Variants in NFIA observed in about 807,000 individuals in gnomAD.
The protein encoded by NFIA is nuclear factor I A, also known as nuclear factor 1 A-type.
In NFIA, 8 loss-of-function variants were observed where a neutral mutation model predicts 62.8. The ratio of observed to expected loss-of-function variants is 0.13; its 90% confidence interval spans 0.07 to 0.23. The LOEUF (loss-of-function observed/expected upper bound fraction) is 0.23, where lower values mean the gene tolerates loss of function less well. Among genes scored for constraint, NFIA ranks in the 10% least tolerant of loss-of-function variants. NFIA has a pLI of 1.00. For missense variants in NFIA, 410 were observed against 642.1 expected (o/e 0.64, Z 3.91); for synonymous variants, 235 against 238.1 (o/e 0.99, Z 0.12).
intron 2 of NFIA, among the ~76,000 whole-genome samples, chr1:61,208,990 G>A (rs1305532760): frequency 3.2e-4 from 49 of 152,250 alleles, no homozygotes; most frequent in Admixed American, 3.2e-3. Flanking sequence ...GGGGACCAGA[G>A]TAGAGGAGTC....
At chr1:61,347,165 C>CTTTTTTTTTTT (rs869046737) in intron 4 of NFIA, among the ~76,000 whole-genome samples, 1 of 70,110 alleles carries the variant, frequency 1.4e-5, no homozygotes, top group African/African-American at 6.6e-5. Context: ...CTGGATCCCA[C>CTTTTTTTTTTT]TTTTTTTTTT....
rs146465184 is a variant in NFIA, at chr1:61,191,418, G to GTGC, written c.560-86101_560-86099dup. Among the ~76,000 whole-genome samples the GTGC allele has an allele frequency of 5.1e-3, 779 of 152,048 alleles. 14 individuals are homozygous for GTGC. The highest frequency in any genetic ancestry group is 0.017 in the African/African-American group (714 of 41,462). On this transcript the variant is annotated intron_variant, in intron 2 of 10. Transcript: ENST00000403491. ...GGGATTTGCTTTCCGGAGAATCTGGGTGCCTGTTCCACCAATTCTGTTTGT... is the reference window on the plus strand; with the variant it reads ...GGGATTTGCTTTCCGGAGAATCTGGGTGCTGCCTGTTCCACCAATTCTGTTTGT...
chr1:61,313,834 G>A lies in NFIA; in HGVS notation c.626-18678G>A, dbSNP rs891488495. Among the ~76,000 whole-genome samples the A allele has an allele frequency of 3.9e-5, 6 of 152,096 alleles. 1 individual carries two copies. The highest frequency in any genetic ancestry group is 9.7e-5 in the African/African-American group (4 of 41,398). ...GCCTCTGGAGTAGGTGTTCTTACTC[G>A]TGCAATTAGGGAACAGTGCCTTAGT... is the stretch of plus-strand genomic sequence containing the variant. On this transcript the variant is annotated intron_variant, in intron 3 of 10. Coordinates refer to ENST00000403491, the MANE Select transcript of NFIA (RefSeq NM_001134673.4).
At chr1:61,241,426 T>C (rs2100645638) in intron 2 of NFIA, among the ~76,000 whole-genome samples, 1 of 152,274 alleles carries the variant, frequency 6.6e-6, no homozygotes, top group Admixed American at 6.5e-5. Flanking sequence ...GTTGGCAAGA[T>C]TTATTGGGGG....
chr1:61,251,090 C>G (rs1656003519), intron 2 of NFIA: 1 of 152,308 alleles, frequency 6.6e-6, no homozygotes, highest in Non-Finnish European at 1.5e-5. Context: ...TTTCACACAT[C>G]ATCACTCTCT....
intron 3 of NFIA, among the ~76,000 whole-genome samples, chr1:61,314,638 A>G (rs76353191): frequency 0.041 from 6,218 of 152,190 alleles, 416 homozygotes; most frequent in African/African-American, 0.14. Flanking sequence ...TACTCACTTT[A>G]TACTCTGCCT....
chr1:61,219,807 T>C (rs1653904632), intron 2 of NFIA, among the ~76,000 whole-genome samples: 1 of 149,854 alleles, frequency 6.7e-6, no homozygotes, highest in Non-Finnish European at 1.5e-5. Context: ...CTACTAAGCA[T>C]AGAAAAATTA....
intron 6 of NFIA, among the ~76,000 whole-genome samples, chr1:61,364,008 G>A (rs536242836): frequency 7.3e-5 from 11 of 150,920 alleles, no homozygotes; most frequent in Admixed American, 2.6e-4. Flanking sequence ...GTGCAGTGGC[G>A]CGATCTCAGC....
At chr1:61,353,609 C>T (rs574172613) in intron 5 of NFIA, among the ~76,000 whole-genome samples, 1 of 152,218 alleles carries the variant, frequency 6.6e-6, no homozygotes, top group South Asian at 2.1e-4. Flanking sequence ...AAACAATGCC[C>T]AAATTATAGA....
intron 6 of NFIA, among the ~76,000 whole-genome samples, chr1:61,378,489 C>T (rs1327977580): frequency 6.6e-6 from 1 of 152,146 alleles, no homozygotes; most frequent in Non-Finnish European, 1.5e-5. Flanking sequence ...AATTATTGTA[C>T]AGTAAACATC....
chr1:61,219,436 C>T (rs934418807), intron 2 of NFIA, among the ~76,000 whole-genome samples: 4 of 151,846 alleles, frequency 2.6e-5, no homozygotes, highest in African/African-American at 9.7e-5. Context: ...ACAAAGAAGC[C>T]GGGTGCGGTG....
intron 2 of NFIA, among the ~76,000 whole-genome samples, chr1:61,196,814 A>G (rs926360915): frequency 6.6e-6 from 1 of 152,054 alleles, no homozygotes; most frequent in African/African-American, 2.4e-5. Context: ...ATGTGATGTA[A>G]ATCGACTTCT....
intron 2 of NFIA, among the ~76,000 whole-genome samples, chr1:61,235,288 C>T (rs1353192261): frequency 6.6e-6 from 1 of 151,832 alleles, no homozygotes; most frequent in African/African-American, 2.4e-5. Context: ...CGGTGAAACC[C>T]CGTCTCTACT....
intron 10 of NFIA, among the ~76,000 whole-genome samples, chr1:61,435,792 A>G (rs1338808645): frequency 6.6e-6 from 1 of 152,190 alleles, no homozygotes; most frequent in African/African-American, 2.4e-5. Flanking sequence ...AGAAGGCGCA[A>G]TAGGTAGTGG....
chr1:61,122,912 G>A (rs1232152983), intron 2 of NFIA, among the ~76,000 whole-genome samples: 1 of 152,076 alleles, frequency 6.6e-6, no homozygotes, highest in Non-Finnish European at 1.5e-5. Context: ...TTTTCCTAAT[G>A]CTCTCCCCCA....
intron 2 of NFIA, among the ~76,000 whole-genome samples, chr1:61,220,572 A>G (rs955096826): frequency 1.3e-5 from 2 of 152,222 alleles, no homozygotes; most frequent in African/African-American, 4.8e-5. Context: ...AGAATTGTAA[A>G]CATATGAATC....
intron 3 of NFIA, among the ~76,000 whole-genome samples, chr1:61,304,069 A>T (rs1356173563): frequency 1.3e-5 from 2 of 152,132 alleles, no homozygotes; most frequent in Non-Finnish European, 2.9e-5. Flanking sequence ...TGAGGCCGGA[A>T]GTTCGAGACC....
At chr1:61,092,332 T>A (rs1646333967) in intron 2 of NFIA, among the ~76,000 whole-genome samples, 1 of 152,216 alleles carries the variant, frequency 6.6e-6, no homozygotes. Context: ...AGCAAGTTGC[T>A]GTTGTCCTAA....
At chr1:61,345,346 C>A (rs891210967) in intron 4 of NFIA, among the ~76,000 whole-genome samples, 6 of 152,126 alleles carry the variant, frequency 3.9e-5, no homozygotes, top group Non-Finnish European at 5.9e-5. Flanking sequence ...TAATTCAAAG[C>A]ATATTTATTG....
Sources: gnomAD v4.1 joint callset for allele counts (sites outside exome capture counted in the v4.1 genomes callset) on GRCh38, gnomAD v4.1.1 for gene constraint, MANE v1.5 for transcripts, NCBI Gene and HGNC (gene_info 2026-07-23, HGNC 2026-07-21) for gene names.